Variants in SEMA3C observed in about 807,000 individuals in gnomAD.
SEMA3C encodes semaphorin 3C.
SEMA3C carries 47 observed loss-of-function variants against 89.4 expected under a neutral mutation model. The ratio of observed to expected loss-of-function variants is 0.53; its 90% CI spans 0.42 to 0.67. The LOEUF (loss-of-function observed/expected upper bound fraction) is 0.67. Ranked by LOEUF, SEMA3C falls within the 30% of genes least tolerant of loss-of-function variation. The pLI, the probability that SEMA3C is intolerant of heterozygous loss-of-function variation, is 0.00. For synonymous variants in SEMA3C, 310 were observed against 320.2 expected, an observed-to-expected ratio of 0.97 and a Z score of 0.34; for missense variants, 839 against 929.1, an observed-to-expected ratio of 0.90 and a Z score of 1.26.
chr7:80,822,284 G>T (rs1259776485), intron 4 of SEMA3C, among the ~76,000 whole-genome samples: 2 of 151,584 alleles, frequency 1.3e-5, no homozygotes, highest in Non-Finnish European at 2.9e-5. Flanking sequence ...CTGATCTAGG[G>T]GTAAAGATTT....
intron 2 of SEMA3C, among the ~76,000 whole-genome samples, chr7:80,851,963 T>C (rs1342631860): frequency 6.6e-6 from 1 of 152,160 alleles, no homozygotes; most frequent in Non-Finnish European, 1.5e-5. Context: ...AAGGAGAATA[T>C]CATGAAAAAC....
chr7:80,788,745 A>AATAT (rs1788863089), intron 12 of SEMA3C, among the ~76,000 whole-genome samples: 2 of 152,212 alleles, frequency 1.3e-5, no homozygotes, highest in Non-Finnish European at 2.9e-5. Context: ...TCCAAATGTT[A>AATAT]TATTGAGTAT....
chr7:80,916,617 G>T, intron 2 of SEMA3C, 62 bp downstream of exon 2: 1 of 1,461,548 alleles, frequency 6.8e-7, no homozygotes, highest in Non-Finnish European at 9.3e-7. Flanking sequence ...TCTGAATCTG[G>T]ATAAGGAAGA....
At chr7:80,815,655 T>C (rs970094376) in intron 5 of SEMA3C, among the ~76,000 whole-genome samples, 1 of 148,942 alleles carries the variant, frequency 6.7e-6, no homozygotes, top group Admixed American at 6.8e-5. Context: ...AGAAAATGTA[T>C]AATTTTTCTT....
At chr7:80,848,413 A>G (rs1246281287) in intron 2 of SEMA3C, among the ~76,000 whole-genome samples, 1 of 152,200 alleles carries the variant, frequency 6.6e-6, no homozygotes, top group Admixed American at 6.5e-5. Context: ...AAAACAGTAA[A>G]TAAAATCTGG....
chr7:80,807,655 A>C (rs2115699271), intron 6 of SEMA3C, among the ~76,000 whole-genome samples: 1 of 152,328 alleles, frequency 6.6e-6, no homozygotes, highest in East Asian at 1.9e-4. Flanking sequence ...TTAAAAGATA[A>C]CATCTGACTT....
chr7:80,813,397 C>T (rs1789517134), intron 5 of SEMA3C, among the ~76,000 whole-genome samples: 2 of 152,306 alleles, frequency 1.3e-5, no homozygotes, highest in South Asian at 4.1e-4. Flanking sequence ...TCAAAAATTT[C>T]AGGCCTTTGC....
intron 2 of SEMA3C, among the ~76,000 whole-genome samples, chr7:80,902,476 T>C (rs536643567): frequency 6.6e-6 from 1 of 152,164 alleles, no homozygotes; most frequent in Non-Finnish European, 1.5e-5. Context: ...CATCTAACTG[T>C]GCATATTAAA....
intron 16 of SEMA3C, among the ~76,000 whole-genome samples, chr7:80,751,023 C>T (rs952517409): frequency 6.6e-6 from 1 of 152,080 alleles, no homozygotes; most frequent in African/African-American, 2.4e-5. Context: ...TTACGATCTG[C>T]GAGAAAGACC....
chr7:80,826,859 C>A (rs140735789), intron 4 of SEMA3C, among the ~76,000 whole-genome samples: 3 of 152,208 alleles, frequency 2.0e-5, no homozygotes, highest in African/African-American at 7.2e-5. Flanking sequence ...TAGATTTCTT[C>A]CTTGATTATT....
chr7:80,796,640 A>T (rs1378892217), intron 11 of SEMA3C: 2 of 152,224 alleles, frequency 1.3e-5, no homozygotes, highest in Admixed American at 1.3e-4. Flanking sequence ...AACATCAAAG[A>T]GAGATCATCT....
intron 5 of SEMA3C, 127 bp downstream of exon 5, chr7:80,818,172 G>C: frequency 1.1e-6 from 1 of 879,510 alleles, no homozygotes; most frequent in Non-Finnish European, 1.7e-6. Context: ...ATGTAATATA[G>C]TTTGTATTTA....
intron 12 of SEMA3C, among the ~76,000 whole-genome samples, chr7:80,783,619 A>T (rs1788737784): frequency 6.6e-6 from 1 of 152,152 alleles, no homozygotes; most frequent in Admixed American, 6.5e-5. Flanking sequence ...CAGCTATCAA[A>T]TTTTACATGG....
chr7:80,781,852 A>G (rs1788698199), intron 12 of SEMA3C, among the ~76,000 whole-genome samples: 2 of 152,208 alleles, frequency 1.3e-5, no homozygotes, highest in Non-Finnish European at 2.9e-5. Flanking sequence ...CAAGTCATCT[A>G]GAGAAACATC....
At chr7:80,908,345 C>A (rs978067592) in intron 2 of SEMA3C, among the ~76,000 whole-genome samples, 3 of 152,160 alleles carry the variant, frequency 2.0e-5, no homozygotes, top group Non-Finnish European at 4.4e-5. Flanking sequence ...GTGTACTTCA[C>A]ACAGTTTGTA....
At chr7:80,762,287 C>T (rs1370425024) in intron 13 of SEMA3C, among the ~76,000 whole-genome samples, 1 of 152,010 alleles carries the variant, frequency 6.6e-6, no homozygotes. Flanking sequence ...AACACAAGCA[C>T]TCTGCATAAG....
chr7:80,753,159 G>A (rs546245040), intron 15 of SEMA3C, among the ~76,000 whole-genome samples: 23 of 152,184 alleles, frequency 1.5e-4, no homozygotes, highest in East Asian at 1.2e-3. Flanking sequence ...CACGTGACCC[G>A]TACCGATTGT....
At chr7:80,852,551 G>A (rs1790538304) in intron 2 of SEMA3C, among the ~76,000 whole-genome samples, 1 of 152,094 alleles carries the variant, frequency 6.6e-6, no homozygotes, top group East Asian at 1.9e-4. Flanking sequence ...CCCACAGAAT[G>A]GGAGAAAATA....
At chr7:80,754,582 T>C (rs1788012781) in intron 15 of SEMA3C, among the ~76,000 whole-genome samples, 1 of 152,240 alleles carries the variant, frequency 6.6e-6, no homozygotes, top group Non-Finnish European at 1.5e-5. Context: ...GTATTTACTA[T>C]AAATACTTGC....
Sources: gnomAD v4.1 joint callset for allele counts (sites outside exome capture counted in the v4.1 genomes callset) on GRCh38, gnomAD v4.1.1 for gene constraint, MANE v1.5 for transcripts, NCBI Gene and HGNC (gene_info 2026-07-23, HGNC 2026-07-21) for gene names.